Variants in FHIP1A observed in about 807,000 individuals in gnomAD.
FHIP1A encodes the protein FHF complex subunit HOOK-interacting protein 1A.
FHIP1A carries 61 observed loss-of-function variants against 88.6 expected under a neutral mutation model. The observed-to-expected ratio is 0.69, with a 90% CI of 0.56 to 0.85. The LOEUF is 0.85. FHIP1A is among the 40% of genes least tolerant of loss of function. FHIP1A has a pLI of 0.00. For synonymous variants in FHIP1A, 478 were observed against 496.0 expected, an observed-to-expected ratio of 0.96 and a Z score of 0.48; for missense variants, 1,154 against 1,273.5, an observed-to-expected ratio of 0.91 and a Z score of 1.43.
chr4:151,532,777 G>T (rs1341078395), intron 3 of FHIP1A, among the ~76,000 whole-genome samples: 2 of 152,184 alleles, frequency 1.3e-5, no homozygotes, highest in Admixed American at 6.5e-5. Flanking sequence ...GGCTGGGGAG[G>T]CCTTAGAGTC....
chr4:151,609,242 T>C (rs1422269206), intron 7 of FHIP1A, among the ~76,000 whole-genome samples: 1 of 152,184 alleles, frequency 6.6e-6, no homozygotes, highest in Admixed American at 6.5e-5. Context: ...CTTGGTGCTA[T>C]GGGCAGGAGG....
intron 8 of FHIP1A, among the ~76,000 whole-genome samples, chr4:151,635,412 A>G (rs1241531270): frequency 1.3e-5 from 2 of 151,952 alleles, no homozygotes; most frequent in African/African-American, 4.8e-5. Flanking sequence ...TCTTGAACAG[A>G]TATTTGTACA....
Position 151,649,737 on chromosome 4 carries a change from C to A in FHIP1A, c.1696C>A (p.Leu566Met). Residue 566 changes from leucine (L) to methionine (M), a missense_variant, in exon 11 of 14, where the codon CTG becomes ATG. Leu to Met is a conservative substitution (Grantham distance 15, BLOSUM62 2). Transcript: ENST00000435205. ...QQLPRKTGPQ[L>M]APRKDKSQTE... ...ACTCCCCAGGAAGACAGGACCTCAG[C>A]TGGCTCCCAGAAAGGACAAGAGCCA... 1 of 1,551,710 alleles carries A rather than the reference C, an allele frequency of 6.4e-7. No homozygotes were observed. The highest frequency in any genetic ancestry group is 8.7e-7 in the Non-Finnish European group (1 of 1,146,986).
intron 8 of FHIP1A, among the ~76,000 whole-genome samples, chr4:151,634,607 A>G (rs555605976): frequency 6.6e-6 from 1 of 151,858 alleles, no homozygotes; most frequent in Non-Finnish European, 1.5e-5. Context: ...CCGTTGTATT[A>G]TGGTCAAATG....
chr4:151,533,067 T>C (rs1418427507), intron 3 of FHIP1A: 2 of 152,248 alleles, frequency 1.3e-5, no homozygotes, highest in Admixed American at 1.3e-4. Context: ...AACACTCGAC[T>C]GTCAGATAAT....
intron 3 of FHIP1A, among the ~76,000 whole-genome samples, chr4:151,484,620 A>G (rs528350081): frequency 6.6e-6 from 1 of 152,334 alleles, no homozygotes; most frequent in African/African-American, 2.4e-5. Flanking sequence ...AATGGGTTTG[A>G]AGATGGACTC....
At position 151,525,746 on chromosome 4, in the gene FHIP1A, CT is replaced by C. The variant is rs200895761; in HGVS notation, c.-122-40377del. The stretch of plus-strand genomic sequence containing the variant: ...TGTTTTGCTGCTCACCTTTGTACTT[CT>C]TTTTTTTTTTTTTTCATTTTTAATT... On this transcript the variant is annotated intron_variant, in intron 3 of 13. Transcript: ENST00000435205. Among the ~76,000 whole-genome samples the C allele has an allele frequency of 8.1e-3, 1,035 of 128,230 alleles. 4 individuals carry two copies. The highest frequency in any genetic ancestry group is 0.019 in the African/African-American group (680 of 34,934). The allele number at this position is 128,230 out of a possible 152,430, so 84.1% of individuals were successfully genotyped here.
chr4:151,454,587 G>A (rs1490034967), intron 1 of FHIP1A, 114 bp from the exon 2 acceptor site: 1 of 152,072 alleles, frequency 6.6e-6, no homozygotes, highest in East Asian at 1.9e-4. Flanking sequence ...AGAAAACAGA[G>A]CAAGGTTGAG....
chr4:151,542,778 A>G (rs1310164830), intron 3 of FHIP1A, among the ~76,000 whole-genome samples: 1 of 152,166 alleles, frequency 6.6e-6, no homozygotes, highest in Non-Finnish European at 1.5e-5. Context: ...TCCCTACAGC[A>G]TGGCACCATG....
At chr4:151,452,039 T>G (rs1561501130) in intron 1 of FHIP1A, among the ~76,000 whole-genome samples, 1 of 152,160 alleles carries the variant, frequency 6.6e-6, no homozygotes, top group South Asian at 2.1e-4. Flanking sequence ...TAGGTTGGTC[T>G]TAAACTCTGG....
At chr4:151,496,499 T>A (rs1323709466) in intron 3 of FHIP1A, among the ~76,000 whole-genome samples, 22 of 152,010 alleles carry the variant, frequency 1.4e-4, no homozygotes, top group Non-Finnish European at 2.9e-5. Context: ...TGTGTCCCAC[T>A]GCCCTATTTC....
chr4:151,468,167 C>G (rs1729390438), intron 2 of FHIP1A, among the ~76,000 whole-genome samples: 1 of 151,454 alleles, frequency 6.6e-6, no homozygotes, highest in African/African-American at 2.4e-5. Context: ...CACCTGTAGT[C>G]CCAGCTACTC....
chr4:151,629,850 G>A lies in FHIP1A; in HGVS notation c.1127G>A (p.Arg376Gln), dbSNP rs768334347. 85 of 1,551,038 alleles carry A rather than the reference G, an allele frequency of 5.5e-5. No individual in the cohort carries two copies. In the South Asian group the frequency reaches 6.3e-4, roughly 12 times the overall value. ...CACATCCTAGACACTCTCACGAGTC[G>A]AATCAACACCCCGTTTCGGGTAAGG... The part of the protein sequence containing the change: ...NVHILDTLTS[R>Q]INTPFRLCVV... Residue 376 changes from arginine (R) to glutamine (Q), a missense_variant, in exon 8 of 14, where the codon CGA becomes CAA. Physicochemically the swap from Arg to Gln is conservative, Grantham distance 43. Coordinates refer to ENST00000435205, the MANE Select transcript of FHIP1A (RefSeq NM_001109977.3).
In FHIP1A at chr4:151,656,958, C is replaced by T. The variant is rs984388670; in HGVS notation, c.2869+60C>T. On this transcript the variant is annotated intron_variant, in intron 13 of 13. Transcript: ENST00000435205. This position sits in a 1 kb window ranked among gnomAD's most constrained non-coding sequence, Gnocchi z 4.2. ...ATTCCTCCTCCACGTCCCTGGCCTACTGGCCTCAGTTCACAGATGCTGCAC... is the reference window on the plus strand; with the variant it reads ...ATTCCTCCTCCACGTCCCTGGCCTATTGGCCTCAGTTCACAGATGCTGCAC... 3.4e-6 allele frequency: 5 copies of T among 1,486,380 alleles called. No individual in the cohort carries two copies. The highest frequency in any genetic ancestry group is 4.5e-6 in the Non-Finnish European group (5 of 1,107,210). 92.1% of individuals were successfully genotyped at this position (1,486,380 alleles called of 1,614,324 possible).
intron 11 of FHIP1A, among the ~76,000 whole-genome samples, chr4:151,651,750 T>C (rs927481506): frequency 2.0e-5 from 3 of 152,228 alleles, no homozygotes; most frequent in Non-Finnish European, 2.9e-5. Context: ...TTCAAGGAGC[T>C]CTTCCAGCCT....
At position 151,554,152 on chromosome 4, in the gene FHIP1A, A is replaced by G. The variant is rs150367748; in HGVS notation, c.-122-11986A>G. On this transcript the variant is annotated intron_variant, in intron 3 of 13. Transcript: ENST00000435205. ...TCAGTTTCTTCATCTGTAAATGGGG[A>G]TGACGCCCTACCTCAGTGGGTGGTT... Among the ~76,000 whole-genome samples the G allele has an allele frequency of 6.4e-3, 976 of 152,250 alleles. 6 individuals carry two copies. The highest frequency in any genetic ancestry group is 0.01 in the Middle Eastern group (3 of 294).
intron 3 of FHIP1A, among the ~76,000 whole-genome samples, chr4:151,507,743 C>G (rs1378702803): frequency 2.0e-5 from 3 of 152,162 alleles, no homozygotes; most frequent in Admixed American, 1.3e-4. Flanking sequence ...TCATCCCCCA[C>G]CTCCTTATGG....
chr4:151,604,133 C>T (rs1734978923), intron 7 of FHIP1A, among the ~76,000 whole-genome samples: 1 of 152,012 alleles, frequency 6.6e-6, no homozygotes, highest in Non-Finnish European at 1.5e-5. Context: ...TCTCTTCCTT[C>T]CTCCTCTGTG....
chr4:151,484,374 G>C lies in FHIP1A; in HGVS notation c.-123+1726G>C, dbSNP rs989023738. ...GAAACCAAATATTGTTGCCTTAGAC[G>C]TGAGGTTATTTTGAGTTGTGCAGGA... On this transcript the variant is annotated intron_variant, in intron 3 of 13. Transcript: ENST00000435205. Among the ~76,000 whole-genome samples the C allele has an allele frequency of 1.3e-5, 2 of 152,150 alleles. 1 individual carries two copies. The highest frequency in any genetic ancestry group is 4.8e-5 in the African/African-American group (2 of 41,426).
Sources: gnomAD v4.1 joint callset for allele counts (sites outside exome capture counted in the v4.1 genomes callset) on GRCh38, gnomAD v4.1.1 for gene constraint, Gnocchi (gnomAD v3.1) non-coding constraint, MANE v1.5 for transcripts, NCBI Gene and HGNC (gene_info 2026-07-23, HGNC 2026-07-21) for gene names.